The following ZNF143 variants were observed in gnomAD, a reference collection of about 807,000 sequenced individuals.
The protein encoded by ZNF143 is SPH-binding factor.
A neutral mutation model predicts 74.1 loss-of-function variants in ZNF143; 49 were observed. The ratio of observed to expected loss-of-function variants is 0.66; its 90% CI spans 0.53 to 0.84. The LOEUF (loss-of-function observed/expected upper bound fraction) is 0.84. Ranked by LOEUF, ZNF143 falls within the 40% of genes least tolerant of loss-of-function variation. The probability of loss-of-function intolerance (pLI) is 0.00; values close to 1 mark genes in which losing one functional copy is unlikely to be tolerated. For synonymous variants in ZNF143, 304 were observed against 282.8 expected, an observed-to-expected ratio of 1.07 and a Z score of -0.75; for missense variants, 637 against 793.4, an observed-to-expected ratio of 0.80 and a Z score of 2.37.
chr11:9,500,991 TAG>T (rs1285652847), intron 10 of ZNF143, 98 bp from the exon 11 acceptor site: 2 of 1,410,876 alleles, frequency 1.4e-6, no homozygotes, highest in African/African-American at 2.9e-5. Flanking sequence ...ACAAGAAGGC[TAG>T]AGTCTTGAGC....
At chr11:9,479,272 T>C (rs184247225) in intron 6 of ZNF143, among the ~76,000 whole-genome samples, 200 bp from the exon 7 acceptor site, 1 of 152,308 alleles carries the variant, frequency 6.6e-6, no homozygotes, top group Admixed American at 6.5e-5. Context: ...CCCAAAGTGC[T>C]AGGATTACTG....
At chr11:9,507,325 G>A (rs994573179) in intron 11 of ZNF143, among the ~76,000 whole-genome samples, 1 of 152,066 alleles carries the variant, frequency 6.6e-6, no homozygotes, top group South Asian at 2.1e-4. Flanking sequence ...TCACCACAGG[G>A]TTCTTTTTGT....
intron 4 of ZNF143, 141 bp downstream of exon 4, chr11:9,474,165 G>T: frequency 1.4e-6 from 1 of 705,512 alleles, no homozygotes; most frequent in Admixed American, 2.5e-5. Flanking sequence ...AGATGCCACA[G>T]AGTGGATCTT....
rs758082377 is a variant in ZNF143, at chr11:9,463,628, CTTA to C, written c.-8+2557_-8+2559del. 17 of 152,090 alleles carry C rather than the reference CTTA, an allele frequency of 1.1e-4. 1 individual carries two copies. Among genetic ancestry groups the C allele is most frequent in the Non-Finnish European group, 1.9e-4 (13 of 68,016 alleles). 9.4% of individuals were successfully genotyped at this position (152,090 alleles called of 1,614,324 possible). On this transcript the variant is annotated intron_variant, in intron 1 of 15. Coordinates refer to ENST00000396602, the MANE Select transcript of ZNF143 (RefSeq NM_003442.6). ...CCCATTTTAAAGTTGGATTATTCGT[CTTA>C]TTATGATTTGGTTGTGAGAGTACTT...
intron 10 of ZNF143, among the ~76,000 whole-genome samples, chr11:9,498,230 A>G (rs1176462234): frequency 2.0e-5 from 3 of 152,212 alleles, no homozygotes; most frequent in African/African-American, 4.8e-5. Flanking sequence ...CTGAAATTCC[A>G]TATGACTTGC....
chr11:9,486,410 ATAATATATATT>A (rs1847517211), intron 7 of ZNF143, among the ~76,000 whole-genome samples: 1 of 25,052 alleles, frequency 4.0e-5, no homozygotes, highest in African/African-American at 1.5e-4. Flanking sequence ...TATTATATAT[ATAATATATATT>A]ATATATATTA....
chr11:9,486,404 ATAT>A (rs1565039059), intron 7 of ZNF143, among the ~76,000 whole-genome samples: 1 of 22,390 alleles, frequency 4.5e-5, no homozygotes, highest in South Asian at 1.5e-3. Flanking sequence ...ATAATATATT[ATAT>A]ATATAATATA....
At chr11:9,496,455 C>T (rs919713968) in intron 9 of ZNF143, 77 bp downstream of exon 9, 1 of 1,236,058 alleles carries the variant, frequency 8.1e-7, no homozygotes, top group Non-Finnish European at 1.2e-6. Flanking sequence ...AGGAACTGAC[C>T]CCTTGGCTGT....
intron 11 of ZNF143, among the ~76,000 whole-genome samples, chr11:9,501,925 C>CTTTTTTTTTTTT (rs57169874): frequency 8.0e-5 from 3 of 37,440 alleles, no homozygotes; most frequent in African/African-American, 2.3e-4. Flanking sequence ...TGGATATATT[C>CTTTTTTTTTTTT]TTTTTTTTTT....
rs115363516 is a variant in ZNF143, at chr11:9,478,960, C to T, written c.570+374C>T. Among the ~76,000 whole-genome samples the T allele has an allele frequency of 1.5e-3, 224 of 151,714 alleles. 2 individuals carry two copies. Among genetic ancestry groups the T allele is most frequent in the African/African-American group, 5.2e-3 (217 of 41,362 alleles). On this transcript the variant is annotated intron_variant, in intron 6 of 15. Coordinates refer to ENST00000396602, the MANE Select transcript of ZNF143 (RefSeq NM_003442.6). ...GGCAGGTAATTCACCGAAAGATATA[C>T]GAGGATGAAGGGCTATAAAAGAAAT...
At chr11:9,479,593 G>T in intron 7 of ZNF143, 47 bp downstream of exon 7, 1 of 1,498,890 alleles carries the variant, frequency 6.7e-7, no homozygotes, top group Non-Finnish European at 9.2e-7. Context: ...TAGCATTTCT[G>T]TGCCCTTCTG....
At chr11:9,465,645 G>T (rs909176338) in intron 1 of ZNF143, among the ~76,000 whole-genome samples, 2 of 148,754 alleles carry the variant, frequency 1.3e-5, no homozygotes, top group East Asian at 3.9e-4. Flanking sequence ...GACTATAGGC[G>T]CCCGCCACCA....
At position 9,474,082 on chromosome 11, in the gene ZNF143, G is replaced by C. The variant is rs1856742952; in HGVS notation, c.289+58G>C. 6 of 1,324,300 alleles carry C rather than the reference G, an allele frequency of 4.5e-6. No individual in the cohort carries two copies. In the South Asian group the frequency reaches 7.1e-5, roughly 16 times the overall value. 82.0% of individuals were successfully genotyped at this position (1,324,300 alleles called of 1,614,324 possible). A position where few individuals can be genotyped will look rare whatever the true frequency, so the allele number is the denominator to read the frequency against. ...TTTTAATTCTCAGCTTTTAGTATTT[G>C]CTACCTGCAGCTCCCTCTTACTACC... On this transcript the variant is annotated intron_variant, in intron 4 of 15. Coordinates refer to ENST00000396602, the MANE Select transcript of ZNF143 (RefSeq NM_003442.6).
chr11:9,484,446 C>T (rs1209151601), intron 7 of ZNF143, among the ~76,000 whole-genome samples: 1 of 150,712 alleles, frequency 6.6e-6, no homozygotes, highest in Non-Finnish European at 1.5e-5. Flanking sequence ...AACTCCTGAC[C>T]TCAAGTGATC....
At chr11:9,510,379 C>T (rs1404193720) in intron 12 of ZNF143, among the ~76,000 whole-genome samples, 1 of 152,072 alleles carries the variant, frequency 6.6e-6, no homozygotes, top group African/African-American at 2.4e-5. Context: ...CCACCTCGGC[C>T]TCCCAAAGTG....
At position 9,503,851 on chromosome 11, in the gene ZNF143, C is replaced by T. The variant is rs185818055; in HGVS notation, c.1147+2581C>T. Among the ~76,000 whole-genome samples, 694 of 151,350 alleles carry T rather than the reference C, an allele frequency of 4.6e-3. 4 individuals are homozygous for T. The highest frequency in any genetic ancestry group is 6.6e-3 in the Non-Finnish European group (445 of 67,908). ...ATTTTTAGTAGAGACAGGGTTTCAC[C>T]ATGTTGGCCAGGCCGGTCTCAAACT... On this transcript the variant is annotated intron_variant, in intron 11 of 15. Coordinates refer to ENST00000396602, the MANE Select transcript of ZNF143 (RefSeq NM_003442.6).
At position 9,525,395 on chromosome 11, in the gene ZNF143, C is replaced by T. The variant is rs368498245; in HGVS notation, c.1833+9C>T. 43 of 1,613,838 alleles carry T rather than the reference C, an allele frequency of 2.7e-5. No individual in the cohort carries two copies. In the African/African-American group the frequency reaches 5.6e-4, roughly 21 times the overall value. Reference sequence around the variant, plus strand: ...CCCAGATTGCAGTTCAGGTGAGTACCAAGGCATACTGTCCTCAGTCGACAG... The same window carrying T: ...CCCAGATTGCAGTTCAGGTGAGTACTAAGGCATACTGTCCTCAGTCGACAG... On this transcript the variant is annotated intron_variant, in intron 15 of 15. Transcript: ENST00000396602.
chr11:9,499,320 T>C (rs1170844155), intron 10 of ZNF143, among the ~76,000 whole-genome samples: 1 of 152,092 alleles, frequency 6.6e-6, no homozygotes, highest in African/African-American at 2.4e-5. Flanking sequence ...TTCCCTATCA[T>C]AGCATGTCAG....
chr11:9,519,730 T>C (rs1848845031), intron 14 of ZNF143, among the ~76,000 whole-genome samples: 2 of 152,304 alleles, frequency 1.3e-5, no homozygotes, highest in South Asian at 4.1e-4. Context: ...TTGTCTTGGA[T>C]AAATACCTAT....
Sources: allele counts gnomAD v4.1 joint callset (sites outside exome capture counted in the v4.1 genomes callset), GRCh38; gene constraint gnomAD v4.1.1; transcripts MANE v1.5; gene names NCBI Gene and HGNC (gene_info 2026-07-23, HGNC 2026-07-21).